Variants in SESN1 observed in about 807,000 individuals in gnomAD.
SESN1 encodes the protein sestrin 1.
A neutral mutation model predicts 59.3 loss-of-function variants in SESN1; 30 were observed. That is an observed-to-expected ratio of 0.51 (90% CI 0.38 to 0.69). The LOEUF is 0.69. Ranked by LOEUF, SESN1 falls within the 30% of genes least tolerant of loss-of-function variation. The pLI is 0.00. For missense variants in SESN1, 566 were observed against 673.0 expected (o/e 0.84, Z 1.76); for synonymous variants, 197 against 219.9 (o/e 0.90, Z 0.92).
At chr6:109,073,330 A>C (rs1780970766) in intron 1 of SESN1, among the ~76,000 whole-genome samples, 1 of 152,246 alleles carries the variant, frequency 6.6e-6, no homozygotes, top group Admixed American at 6.5e-5. Flanking sequence ...TGCTCAAAAA[A>C]TATTTGTGAA....
chr6:109,029,909 C>G (rs1204122997), intron 1 of SESN1, among the ~76,000 whole-genome samples: 1 of 152,112 alleles, frequency 6.6e-6, no homozygotes, highest in Non-Finnish European at 1.5e-5. Flanking sequence ...TTATATTTTG[C>G]TGAGCTTCTT....
At chr6:108,988,864 GAAAC>G (rs2114254601) in intron 8 of SESN1, among the ~76,000 whole-genome samples, 177 bp from the exon 9 acceptor site, 1 of 152,298 alleles carries the variant, frequency 6.6e-6, no homozygotes, top group South Asian at 2.1e-4. Flanking sequence ...AAAGGGATAA[GAAAC>G]AGAGTACTTA....
chr6:109,090,441 T>G (rs957964498), intron 1 of SESN1, among the ~76,000 whole-genome samples: 2 of 152,206 alleles, frequency 1.3e-5, no homozygotes, highest in African/African-American at 4.8e-5. Context: ...AACAATAGCC[T>G]ACTGTTGACT....
rs1779150409 is a variant in SESN1, at chr6:108,985,195, T to C, written c.*2349A>G. Among the ~76,000 whole-genome samples the C allele has an allele frequency of 1.3e-5, 2 of 152,212 alleles. No homozygotes were observed. On this transcript the variant is annotated 3_prime_UTR_variant, in exon 10 of 10. Coordinates refer to ENST00000436639, the MANE Select transcript of SESN1 (RefSeq NM_014454.3). ...TATCCAACAAGTTTTACTTATCTACTTATCTCCTGGTGGTCTGTATCAAAA... is the reference window on the plus strand; with the variant it reads ...TATCCAACAAGTTTTACTTATCTACCTATCTCCTGGTGGTCTGTATCAAAA...
At chr6:109,055,540 G>A (rs1780615171) in intron 1 of SESN1, among the ~76,000 whole-genome samples, 1 of 151,546 alleles carries the variant, frequency 6.6e-6, no homozygotes, top group Admixed American at 6.6e-5. Context: ...GCAGGCACCT[G>A]TAATCCCAGC....
chr6:109,013,011 G>A (rs918897500), intron 1 of SESN1, among the ~76,000 whole-genome samples: 2 of 151,946 alleles, frequency 1.3e-5, no homozygotes, highest in African/African-American at 4.8e-5. Context: ...AGCTACTCTG[G>A]AGGCTGGGGC....
At chr6:109,042,730 C>G (rs1780361814) in intron 1 of SESN1, among the ~76,000 whole-genome samples, 1 of 151,928 alleles carries the variant, frequency 6.6e-6, no homozygotes, top group African/African-American at 2.4e-5. Context: ...AAAACTCCCC[C>G]AAAATAAATT....
At position 109,093,889 on chromosome 6, in the gene SESN1, A is replaced by G. The variant is rs565200367; in HGVS notation, c.185T>C (p.Leu62Ser). 1 of 1,614,244 alleles carries G rather than the reference A, an allele frequency of 6.2e-7. No individual in the cohort carries two copies. The highest frequency in any genetic ancestry group is 1.1e-5 in the South Asian group (1 of 91,088). ...AAGCAGATGAGCAAGTAGCTTATTC[A>G]ACCCATCCGAAGACTCGGTATTTGA... ...GLSNTESSDG[L>S]NKLLAHLLML... is the part of the protein sequence containing the mutation. Residue 62 changes from leucine to serine, a missense_variant, in exon 1 of 10, where the codon TTG becomes TCG. Coordinates refer to ENST00000436639, the MANE Select transcript of SESN1 (RefSeq NM_014454.3).
chr6:109,050,181 G>A (rs1468326006), intron 1 of SESN1, among the ~76,000 whole-genome samples: 1 of 152,100 alleles, frequency 6.6e-6, no homozygotes, highest in Non-Finnish European at 1.5e-5. Flanking sequence ...ACAATGGAAG[G>A]GAGGAACTTC....
At chr6:109,060,704 T>C (rs1296160058) in intron 1 of SESN1, among the ~76,000 whole-genome samples, 1 of 152,218 alleles carries the variant, frequency 6.6e-6, no homozygotes, top group Non-Finnish European at 1.5e-5. Context: ...TAGAATAATT[T>C]AATCTCACTG....
intron 1 of SESN1, among the ~76,000 whole-genome samples, chr6:109,070,839 A>G (rs1034357757): frequency 6.6e-6 from 1 of 152,222 alleles, no homozygotes; most frequent in African/African-American, 2.4e-5. Flanking sequence ...AACTGGGGTG[A>G]GGCTTGAGAT....
chr6:109,005,809 A>T (rs765314418), intron 1 of SESN1, among the ~76,000 whole-genome samples: 3 of 152,216 alleles, frequency 2.0e-5, no homozygotes, highest in Non-Finnish European at 2.9e-5. Flanking sequence ...TATAATCTAT[A>T]TTATAAACTA....
In SESN1 at chr6:108,993,110, T is replaced by C. The variant is rs1228462966; in HGVS notation, c.1121-211A>G. ...TCTGTTATAAAATGAAAACTCATAG[T>C]TGAATTCTCTATGCCTTTTATTGCC... On this transcript the variant is annotated intron_variant, in intron 6 of 9. Coordinates refer to ENST00000436639, the MANE Select transcript of SESN1 (RefSeq NM_014454.3). 11 of 486,662 alleles carry C rather than the reference T, an allele frequency of 2.3e-5. No homozygotes were observed. The East Asian group carries it at 3.8e-4, about 17-fold the overall frequency. 30.1% of individuals were successfully genotyped at this position (486,662 alleles called of 1,614,324 possible). A position where few individuals can be genotyped will look rare whatever the true frequency, so the allele number is the denominator to read the frequency against.
chr6:109,053,777 C>T (rs557259948), intron 1 of SESN1, among the ~76,000 whole-genome samples: 3 of 152,212 alleles, frequency 2.0e-5, no homozygotes, highest in South Asian at 2.1e-4. Context: ...ACTAGAAGGA[C>T]GAACACTCGC....
chr6:109,086,208 G>A (rs1305902214), intron 1 of SESN1, among the ~76,000 whole-genome samples: 1 of 152,036 alleles, frequency 6.6e-6, no homozygotes, highest in Non-Finnish European at 1.5e-5. Flanking sequence ...AAAACTAGCT[G>A]GGTGTGGTGG....
At position 109,013,674 on chromosome 6, in the gene SESN1, T is replaced by G. The variant is rs138339836; in HGVS notation, c.280-11331A>C. On this transcript the variant is annotated intron_variant, in intron 1 of 9. Transcript: ENST00000436639. ...ATCAGAATTATACTTAATGCAGTAA[T>G]TGGTTAGAAAACATACAGTAATGGT... 2.5e-3 allele frequency among the ~76,000 whole-genome samples: 383 copies of G among 152,338 alleles called. 3 individuals are homozygous for G. The highest frequency in any genetic ancestry group is 8.5e-3 in the African/African-American group (354 of 41,574).
At chr6:109,032,216 G>A (rs955613977) in intron 1 of SESN1, among the ~76,000 whole-genome samples, 1 of 152,098 alleles carries the variant, frequency 6.6e-6, no homozygotes, top group African/African-American at 2.4e-5. Flanking sequence ...AGGTTGCGGT[G>A]AGCTGAGATA....
chr6:109,046,346 A>G (rs1780436185), intron 1 of SESN1, among the ~76,000 whole-genome samples: 1 of 151,712 alleles, frequency 6.6e-6, no homozygotes, highest in Non-Finnish European at 1.5e-5. Context: ...TGGCCTCCCG[A>G]GGTGCCGGGA....
chr6:109,089,138 C>T (rs1781266803), intron 1 of SESN1, among the ~76,000 whole-genome samples: 1 of 151,974 alleles, frequency 6.6e-6, no homozygotes, highest in African/African-American at 2.4e-5. Flanking sequence ...CCCTTGCCAA[C>T]TACAGCCCTT....
Sources: gnomAD v4.1 joint callset for allele counts (sites outside exome capture counted in the v4.1 genomes callset) on GRCh38, gnomAD v4.1.1 for gene constraint, MANE v1.5 for transcripts, NCBI Gene and HGNC (gene_info 2026-07-23, HGNC 2026-07-21) for gene names.